MS4A3: variants seen among roughly 807,000 people sequenced by gnomAD.
The protein encoded by MS4A3 is membrane spanning 4-domains A3.
Under a neutral mutation model 24.7 loss-of-function variants are expected in MS4A3, and 18 were observed. The ratio of observed to expected loss-of-function variants is 0.73; its 90% CI spans 0.50 to 1.08. The LOEUF is 1.08. MS4A3 is among the 50% of genes least tolerant of loss of function. The pLI is 0.00. For missense variants in MS4A3, 282 were observed against 251.7 expected (o/e 1.12, Z -0.82); for synonymous variants, 84 against 95.3 (o/e 0.88, Z 0.69).
intron 2 of MS4A3, among the ~76,000 whole-genome samples, 171 bp from the exon 3 acceptor site, chr11:60,062,297 A>G (rs1286321533): frequency 6.6e-6 from 1 of 152,182 alleles, no homozygotes; most frequent in Non-Finnish European, 1.5e-5. Flanking sequence ...TGGTGTGGAT[A>G]GCGTGGAATA....
At chr11:60,067,291 C>A (rs904071453) in intron 5 of MS4A3, among the ~76,000 whole-genome samples, 179 bp downstream of exon 5, 30 of 150,646 alleles carry the variant, frequency 2.0e-4, no homozygotes, top group African/African-American at 6.6e-4. Flanking sequence ...CGGCTCACTG[C>A]AAGCTCCGCC....
chr11:60,059,618 G>A (rs930671058), intron 1 of MS4A3, among the ~76,000 whole-genome samples: 2 of 152,120 alleles, frequency 1.3e-5, no homozygotes, highest in South Asian at 2.1e-4. Context: ...CCACTTATAA[G>A]TGAGAATATG....
chr11:60,061,040 C>T, intron 1 of MS4A3, 106 bp from the exon 2 acceptor site: 1 of 947,420 alleles, frequency 1.1e-6, no homozygotes, highest in Non-Finnish European at 1.5e-6. Flanking sequence ...TGTGGAGAGT[C>T]ATTGTAATGT....
chr11:60,064,297 G>A lies in MS4A3; in HGVS notation c.330G>A (p.Gly110=). 6.2e-7 allele frequency: 1 copy of A among 1,604,120 alleles called. No individual in the cohort carries two copies. The highest frequency in any genetic ancestry group is 8.5e-7 in the Non-Finnish European group (1 of 1,175,264). The change falls in exon 4 of 7, where the codon GGG becomes GGA. Residue 110 remains glycine, a synonymous_variant. Transcript: ENST00000278865. ...CSSGTLSVVA[G]IKPTRTWIQN... ...CAGGAACCTTGTCTGTTGTAGCAGG[G>A]ATAAAACCCACAAGAACATGGGTAA...
At chr11:60,066,828 T>C in intron 4 of MS4A3, 123 bp from the exon 5 acceptor site, 2 of 706,850 alleles carry the variant, frequency 2.8e-6, no homozygotes, top group African/African-American at 1.8e-5. Context: ...GATGTTAGCC[T>C]CGCATCTAGG....
intron 1 of MS4A3, among the ~76,000 whole-genome samples, chr11:60,060,706 A>G (rs754236548): frequency 6.6e-6 from 1 of 152,184 alleles, no homozygotes; most frequent in Admixed American, 6.5e-5. Flanking sequence ...ATACATTCAC[A>G]GCATCCAGAC....
intron 4 of MS4A3, among the ~76,000 whole-genome samples, chr11:60,066,569 T>C (rs1352207714): frequency 2.0e-5 from 3 of 152,128 alleles, no homozygotes; most frequent in Non-Finnish European, 4.4e-5. Context: ...CCCCCAGATA[T>C]CCTCCTGGCT....
At position 60,057,849 on chromosome 11, in the gene MS4A3, C is replaced by T. The variant is rs143398633; in HGVS notation, c.-16+1109C>T. ...GTTAAATAATATGGTTAGATATTTGCTCTCTTCAGAAATGCTCTTGGAGTT... is the reference window on the plus strand; with the variant it reads ...GTTAAATAATATGGTTAGATATTTGTTCTCTTCAGAAATGCTCTTGGAGTT... On this transcript the variant is annotated intron_variant, in intron 1 of 6. Transcript: ENST00000278865. 8.2e-3 allele frequency among the ~76,000 whole-genome samples: 1,251 copies of T among 152,274 alleles called. 13 individuals carry two copies. Among genetic ancestry groups the T allele is most frequent in the Non-Finnish European group, 0.013 (914 of 68,028 alleles).
Position 60,070,187 on chromosome 11 carries a change from G to C in MS4A3, c.616-17G>C. 1 of 1,593,476 alleles carries C rather than the reference G, an allele frequency of 6.3e-7. No individual in the cohort carries two copies. Among genetic ancestry groups the C allele is most frequent in the African/African-American group, 1.3e-5 (1 of 74,570 alleles). Reference sequence around the variant, plus strand: ...AATGATCCTGTTCTTGGACATTAATGTTGTTTTATTTTCTAGGAAATTTCC... The same window carrying C: ...AATGATCCTGTTCTTGGACATTAATCTTGTTTTATTTTCTAGGAAATTTCC... On this transcript the variant is annotated splice_polypyrimidine_tract_variant and intron_variant, in intron 6 of 6. Coordinates refer to ENST00000278865, the MANE Select transcript of MS4A3 (RefSeq NM_006138.5).
chr11:60,062,669 G>A (rs1332911896), intron 3 of MS4A3, 64 bp downstream of exon 3: 3 of 1,577,896 alleles, frequency 1.9e-6, no homozygotes, highest in Non-Finnish European at 2.6e-6. Context: ...AGATGTGTTT[G>A]ATGACAAAAA....
At chr11:60,058,494 A>C (rs1425203785) in intron 1 of MS4A3, among the ~76,000 whole-genome samples, 1 of 135,040 alleles carries the variant, frequency 7.4e-6, no homozygotes, top group East Asian at 2.3e-4. Flanking sequence ...GAGACAGAGC[A>C]AAGCTCCAAC....
intron 4 of MS4A3, among the ~76,000 whole-genome samples, chr11:60,064,887 T>C (rs1349574838): frequency 6.6e-6 from 1 of 152,190 alleles, no homozygotes; most frequent in Non-Finnish European, 1.5e-5. Flanking sequence ...AGACCTCCAC[T>C]ACTAATGGAC....
chr11:60,070,417 A>C lies in MS4A3; in HGVS notation c.*184A>C. On this transcript the variant is annotated 3_prime_UTR_variant, in exon 7 of 7. Transcript: ENST00000278865. ...CTCTATCCTTTCTCTCCTAACTATAAATCCTATTTGTGTGTCGTGGGTATG... is the reference window on the plus strand; with the variant it reads ...CTCTATCCTTTCTCTCCTAACTATACATCCTATTTGTGTGTCGTGGGTATG... 1.8e-6 allele frequency: 1 copy of C among 543,628 alleles called. No homozygotes were observed. 33.7% of individuals were successfully genotyped at this position (543,628 alleles called of 1,614,324 possible).
intron 2 of MS4A3, 184 bp downstream of exon 2, chr11:60,061,500 G>T (rs757598268): frequency 2.8e-6 from 2 of 716,812 alleles, no homozygotes; most frequent in Non-Finnish European, 4.9e-6. Context: ...TCTATTCAAC[G>T]TGAAGAGGAT....
intron 3 of MS4A3, among the ~76,000 whole-genome samples, chr11:60,063,897 G>A (rs1855316913): frequency 1.3e-5 from 2 of 152,162 alleles, no homozygotes; most frequent in East Asian, 3.9e-4. Flanking sequence ...GGGATAAAAG[G>A]CTACAAATTG....
At chr11:60,061,098 G>A in intron 1 of MS4A3, 48 bp from the exon 2 acceptor site, 1 of 1,501,658 alleles carries the variant, frequency 6.7e-7, no homozygotes. Flanking sequence ...TTAGTAGCTA[G>A]TGGAAAAAGG....
At chr11:60,065,317 G>T (rs781041460) in intron 4 of MS4A3, among the ~76,000 whole-genome samples, 1 of 151,338 alleles carries the variant, frequency 6.6e-6, no homozygotes, top group Non-Finnish European at 1.5e-5. Context: ...CTCCCAAAAG[G>T]CTGGGGTTAC....
chr11:60,057,323 C>T (rs540035116), intron 1 of MS4A3, among the ~76,000 whole-genome samples: 7 of 152,106 alleles, frequency 4.6e-5, no homozygotes, highest in South Asian at 2.1e-4. Context: ...AGAACAAATG[C>T]CTGCCACATA....
intron 3 of MS4A3, among the ~76,000 whole-genome samples, chr11:60,063,408 T>A (rs771387332): frequency 3.3e-5 from 5 of 152,226 alleles, no homozygotes; most frequent in Non-Finnish European, 5.9e-5. Flanking sequence ...TCCCTGATGG[T>A]TCATTTTTAA....
Sources: allele counts gnomAD v4.1 joint callset (sites outside exome capture counted in the v4.1 genomes callset), GRCh38; gene constraint gnomAD v4.1.1; transcripts MANE v1.5; gene names NCBI Gene and HGNC (gene_info 2026-07-23, HGNC 2026-07-21).